The following NCKAP5 variants were observed in gnomAD, a reference collection of about 807,000 sequenced individuals.
The protein encoded by NCKAP5 is nck-associated protein 5.
Under a neutral mutation model 167.0 loss-of-function variants are expected in NCKAP5, and 92 were observed. The observed-to-expected ratio is 0.55, with a 90% CI of 0.47 to 0.66. The LOEUF is 0.66. NCKAP5 is among the 30% of genes least tolerant of loss of function. The pLI is 0.00. For synonymous variants in NCKAP5, 891 were observed against 877.4 expected, an observed-to-expected ratio of 1.02 and a Z score of -0.27; for missense variants, 2,378 against 2,315.0, an observed-to-expected ratio of 1.03 and a Z score of -0.56.
chr2:133,623,937 A>G, the NCKAP5 span, among the ~76,000 whole-genome samples: 6,634 of 152,274 alleles, frequency 0.044, 467 homozygotes, highest in African/African-American at 0.15. Context: ...TATGGTATAT[A>G]TATAATGGAA....
chr2:132,777,892 C>G (rs758510077), intron 15 of NCKAP5, among the ~76,000 whole-genome samples: 39 of 151,568 alleles, frequency 2.6e-4, no homozygotes, highest in Non-Finnish European at 4.6e-4. Flanking sequence ...AAAGAGAATA[C>G]CCATAATTTA....
At chr2:132,845,553 T>C (rs919181750) in intron 11 of NCKAP5, among the ~76,000 whole-genome samples, 3 of 152,196 alleles carry the variant, frequency 2.0e-5, no homozygotes, top group African/African-American at 7.2e-5. Flanking sequence ...TCATCATTCC[T>C]TACTGCTACT....
the NCKAP5 span, among the ~76,000 whole-genome samples, chr2:133,610,112 T>C: frequency 6.6e-6 from 1 of 152,202 alleles, no homozygotes; most frequent in Non-Finnish European, 1.5e-5. Flanking sequence ...CGATTTTCTA[T>C]CCAGAACAGA....
intron 11 of NCKAP5, among the ~76,000 whole-genome samples, chr2:132,847,168 C>A (rs1207128454): frequency 1.3e-5 from 2 of 151,966 alleles, no homozygotes; most frequent in Non-Finnish European, 2.9e-5. Flanking sequence ...GAAAAGTAAA[C>A]CCCAAAAGTG....
At chr2:133,586,843 C>T in the NCKAP5 span, among the ~76,000 whole-genome samples, 2 of 151,068 alleles carry the variant, frequency 1.3e-5, no homozygotes, top group African/African-American at 4.9e-5. Flanking sequence ...GGTGGGGCTG[C>T]AATAGAGAAT....
At chr2:132,883,107 T>C (rs561974649) in intron 8 of NCKAP5, among the ~76,000 whole-genome samples, 1 of 151,342 alleles carries the variant, frequency 6.6e-6, no homozygotes, top group African/African-American at 2.4e-5. Flanking sequence ...GAGGTTGAGT[T>C]TGGAGGATTG....
chr2:133,626,640 T>A, the NCKAP5 span, among the ~76,000 whole-genome samples: 1 of 152,098 alleles, frequency 6.6e-6, no homozygotes, highest in South Asian at 2.1e-4. Flanking sequence ...GATAATGATA[T>A]GTTTTTAAAA....
chr2:132,772,769 G>C (rs1682194166), intron 16 of NCKAP5, among the ~76,000 whole-genome samples: 1 of 152,212 alleles, frequency 6.6e-6, no homozygotes, highest in Non-Finnish European at 1.5e-5. Context: ...TGGCATGCCA[G>C]TCTCATTAAG....
chr2:132,914,399 G>A (rs1202628779), intron 8 of NCKAP5, among the ~76,000 whole-genome samples: 1 of 151,556 alleles, frequency 6.6e-6, no homozygotes, highest in Non-Finnish European at 1.5e-5. Flanking sequence ...AAAAAATAAT[G>A]AAGTGTAAAA....
chr2:133,648,864 C>G, the NCKAP5 span, among the ~76,000 whole-genome samples: 1 of 147,018 alleles, frequency 6.8e-6, no homozygotes, highest in African/African-American at 2.5e-5. Context: ...AAAAAAAAGT[C>G]CAACTTTAGC....
chr2:132,838,158 C>T (rs1419914046), intron 11 of NCKAP5, among the ~76,000 whole-genome samples: 6 of 152,316 alleles, frequency 3.9e-5, no homozygotes, highest in Admixed American at 2.0e-4. Context: ...TGGTCATAGA[C>T]TTTCCACCCT....
At chr2:132,781,279 A>C (rs767803706) in intron 14 of NCKAP5, 50 bp from the exon 15 acceptor site, 1 of 1,544,602 alleles carries the variant, frequency 6.5e-7, no homozygotes, top group Admixed American at 1.9e-5. Flanking sequence ...TCCTTCTTCA[A>C]TCACTCTCCT....
chr2:133,061,088 AAC>A (rs869192429), intron 6 of NCKAP5, among the ~76,000 whole-genome samples: 1 of 151,980 alleles, frequency 6.6e-6, no homozygotes, highest in South Asian at 2.1e-4. Flanking sequence ...AAACAACAAC[AAC>A]AAAAAAACCT....
chr2:133,029,066 CT>C (rs985232860), intron 6 of NCKAP5, among the ~76,000 whole-genome samples: 1 of 152,124 alleles, frequency 6.6e-6, no homozygotes, highest in African/African-American at 2.4e-5. Flanking sequence ...GCCAATTAAA[CT>C]TTTTTTATTT....
At chr2:133,072,056 T>A (rs762442221) in intron 6 of NCKAP5, among the ~76,000 whole-genome samples, 1 of 151,522 alleles carries the variant, frequency 6.6e-6, no homozygotes, top group African/African-American at 2.4e-5. Flanking sequence ...CTCAGATATG[T>A]GCCATGCTGT....
intron 8 of NCKAP5, among the ~76,000 whole-genome samples, chr2:132,891,155 C>T (rs1025904102): frequency 2.6e-5 from 4 of 152,112 alleles, no homozygotes; most frequent in Non-Finnish European, 5.9e-5. Context: ...CTGTGTACTT[C>T]TAGAATTTAA....
intron 5 of NCKAP5, among the ~76,000 whole-genome samples, chr2:133,132,636 T>C (rs1317200969): frequency 1.3e-5 from 2 of 151,582 alleles, no homozygotes; most frequent in Non-Finnish European, 2.9e-5. Context: ...AACTTGACAA[T>C]AATCCACACC....
intron 3 of NCKAP5, among the ~76,000 whole-genome samples, chr2:133,356,584 A>G (rs1204741865): frequency 6.6e-6 from 1 of 152,172 alleles, no homozygotes; most frequent in African/African-American, 2.4e-5. Flanking sequence ...GGTGAATGGG[A>G]GCTGCAGGAC....
chr2:132,718,168 T>A (rs1689551721), intron 19 of NCKAP5, among the ~76,000 whole-genome samples: 1 of 152,286 alleles, frequency 6.6e-6, no homozygotes, highest in Middle Eastern at 3.4e-3. Flanking sequence ...TACTCCTTAG[T>A]GTCTAGCAGT....
Sources: gnomAD v4.1 joint callset for allele counts (sites outside exome capture counted in the v4.1 genomes callset) on GRCh38, gnomAD v4.1.1 for gene constraint, MANE v1.5 for transcripts, NCBI Gene and HGNC (gene_info 2026-07-23, HGNC 2026-07-21) for gene names.